The following ITPR2 variants were observed in gnomAD, a reference collection of about 807,000 sequenced individuals.
ITPR2 encodes inositol 1,4,5-trisphosphate-gated calcium channel ITPR2.
ITPR2 carries 207 observed loss-of-function variants against 317.1 expected under a neutral mutation model. The ratio of observed to expected loss-of-function variants is 0.65; its 90% CI spans 0.58 to 0.73. The LOEUF is 0.73. ITPR2 is among the 30% of genes least tolerant of loss of function. ITPR2 has a pLI of 0.00. For missense variants in ITPR2, 2,613 were observed against 3,284.0 expected (o/e 0.80, Z 4.99); for synonymous variants, 1,156 against 1,149.1 (o/e 1.01, Z -0.12).
At chr12:26,715,160 A>T in intron 8 of ITPR2, 139 bp downstream of exon 8, 1 of 702,698 alleles carries the variant, frequency 1.4e-6, no homozygotes, top group Non-Finnish European at 2.3e-6. Flanking sequence ...AGCAATGAAT[A>T]GGCACAAGTT....
chr12:26,536,374 AGTTT>A (rs539964554), intron 37 of ITPR2, among the ~76,000 whole-genome samples: 16 of 152,232 alleles, frequency 1.1e-4, no homozygotes, highest in African/African-American at 2.9e-4. Context: ...TTATTAGGAC[AGTTT>A]GTTAGTCCCC....
chr12:26,370,982 T>G (rs1408957353), intron 55 of ITPR2, among the ~76,000 whole-genome samples: 2 of 152,058 alleles, frequency 1.3e-5, no homozygotes, highest in Non-Finnish European at 2.9e-5. Flanking sequence ...CAAACACGAG[T>G]CTTATGTATG....
chr12:26,467,679 T>A (rs12368613), intron 45 of ITPR2, among the ~76,000 whole-genome samples: 75,658 of 151,966 alleles, frequency 0.5, 22,357 homozygotes, highest in Non-Finnish European at 0.64. Flanking sequence ...CTAACAAACA[T>A]GGGATGTTAA....
chr12:26,801,806 T>C (rs1002253360), intron 1 of ITPR2, among the ~76,000 whole-genome samples: 2 of 152,090 alleles, frequency 1.3e-5, no homozygotes, highest in African/African-American at 2.4e-5. Flanking sequence ...TTTGGACAAA[T>C]TGTTTAAACT....
chr12:26,659,304 G>A lies in ITPR2; in HGVS notation c.1714-19C>T, dbSNP rs185566825. On this transcript the variant is annotated intron_variant, in intron 15 of 56. Coordinates refer to ENST00000381340, the MANE Select transcript of ITPR2 (RefSeq NM_002223.4). Reference sequence around the variant, plus strand: ...TATATTCCTGCAAAGAAGAAAGGCTGTCAGAATGCACTGCCAAACAGCTTA... The same window carrying A: ...TATATTCCTGCAAAGAAGAAAGGCTATCAGAATGCACTGCCAAACAGCTTA... The A allele has an allele frequency of 1.7e-5, 28 of 1,608,186 alleles. No individual in the cohort carries two copies. The Admixed American group carries it at 4.7e-4, about 27-fold the overall frequency.
At chr12:26,518,779 C>G (rs1440136223) in intron 37 of ITPR2, among the ~76,000 whole-genome samples, 1 of 151,776 alleles carries the variant, frequency 6.6e-6, no homozygotes, top group Non-Finnish European at 1.5e-5. Flanking sequence ...AGAAAATTAA[C>G]CAGCAGAAAC....
At chr12:26,670,007 C>T (rs559607483) in intron 13 of ITPR2, among the ~76,000 whole-genome samples, 1 of 152,372 alleles carries the variant, frequency 6.6e-6, no homozygotes, top group East Asian at 1.9e-4. Context: ...GGGGTGCCCG[C>T]CATTGCCCAG....
chr12:26,732,613 T>A (rs937608656), intron 2 of ITPR2, among the ~76,000 whole-genome samples: 14 of 152,210 alleles, frequency 9.2e-5, no homozygotes, highest in Non-Finnish European at 1.8e-4. Context: ...TTTCTCCATG[T>A]TACAGAGAAG....
At chr12:26,616,086 A>G (rs1255938001) in intron 26 of ITPR2, among the ~76,000 whole-genome samples, 1 of 151,956 alleles carries the variant, frequency 6.6e-6, no homozygotes, top group African/African-American at 2.4e-5. Flanking sequence ...ATTAACAAAA[A>G]AGGTAAATTT....
chr12:26,568,017 T>TATATATA lies in ITPR2; in HGVS notation c.4631-6072_4631-6066dup, dbSNP rs1945055926. 3.4e-5 allele frequency among the ~76,000 whole-genome samples: 4 copies of TATATATA among 119,006 alleles called. No individual in the cohort carries two copies. In the East Asian group the frequency reaches 1.0e-3, roughly 30 times the overall value. The allele number at this position is 119,006 out of a possible 152,430, so 78.1% of individuals were successfully genotyped here. A position where few individuals can be genotyped will look rare whatever the true frequency, so the allele number is the denominator to read the frequency against. On this transcript the variant is annotated intron_variant, in intron 34 of 56. Coordinates refer to ENST00000381340, the MANE Select transcript of ITPR2 (RefSeq NM_002223.4). ...ATATATTATATATATTATATATATA[T>TATATATA]ATATATATATATATAAAATGTCAAA...
chr12:26,372,571 A>G (rs1939218384), intron 55 of ITPR2, among the ~76,000 whole-genome samples: 1 of 152,212 alleles, frequency 6.6e-6, no homozygotes, highest in Non-Finnish European at 1.5e-5. Flanking sequence ...TCTAACACAC[A>G]ACAGCACCCC....
At chr12:26,801,736 T>C (rs1950558661) in intron 1 of ITPR2, among the ~76,000 whole-genome samples, 1 of 152,202 alleles carries the variant, frequency 6.6e-6, no homozygotes, top group South Asian at 2.1e-4. Flanking sequence ...GTATTGGTTG[T>C]ACATGTGCCA....
intron 37 of ITPR2, among the ~76,000 whole-genome samples, chr12:26,525,117 A>G (rs1943775843): frequency 6.6e-6 from 1 of 152,282 alleles, no homozygotes; most frequent in Middle Eastern, 3.4e-3. Flanking sequence ...CTCAGGGAAG[A>G]GGCAGGATAA....
At chr12:26,392,981 G>A (rs1362933929) in intron 54 of ITPR2, among the ~76,000 whole-genome samples, 1 of 152,156 alleles carries the variant, frequency 6.6e-6, no homozygotes, top group East Asian at 1.9e-4. Context: ...TTCCTGCTCA[G>A]CTCTGTCATC....
At chr12:26,703,452 A>G (rs1948490979) in intron 9 of ITPR2, among the ~76,000 whole-genome samples, 1 of 152,186 alleles carries the variant, frequency 6.6e-6, no homozygotes, top group Non-Finnish European at 1.5e-5. Flanking sequence ...AGAGTTTCTC[A>G]ACCCTTAGCA....
At chr12:26,435,698 T>C (rs1434668657) in intron 48 of ITPR2, among the ~76,000 whole-genome samples, 2 of 152,222 alleles carry the variant, frequency 1.3e-5, no homozygotes. Flanking sequence ...TATTTCCTAT[T>C]ATTATATTGT....
chr12:26,600,530 C>T (rs1162075425), intron 28 of ITPR2, among the ~76,000 whole-genome samples: 1 of 151,854 alleles, frequency 6.6e-6, no homozygotes, highest in Admixed American at 6.6e-5. Flanking sequence ...TGCTGTACTC[C>T]CCAGTCCCCA....
rs753011068 is a variant in ITPR2, at chr12:26,578,021, C to T, written c.4630+692G>A. 5.1e-4 allele frequency among the ~76,000 whole-genome samples: 77 copies of T among 152,214 alleles called. No homozygotes were observed. The Middle Eastern group carries it at 0.017, about 34-fold the overall frequency. Reference sequence around the variant, plus strand: ...AGTGATGAAGACTGATAATGAAATACGCTACAAACTGCCTTTCCCAATGTC... The same window carrying T: ...AGTGATGAAGACTGATAATGAAATATGCTACAAACTGCCTTTCCCAATGTC... On this transcript the variant is annotated intron_variant, in intron 34 of 56. Transcript: ENST00000381340.
chr12:26,741,876 T>A (rs532604019), intron 2 of ITPR2, among the ~76,000 whole-genome samples: 1 of 152,348 alleles, frequency 6.6e-6, no homozygotes, highest in East Asian at 1.9e-4. Context: ...CAAGCAGGCA[T>A]GAGCTAAACT....
Sources: allele counts gnomAD v4.1 joint callset (sites outside exome capture counted in the v4.1 genomes callset), GRCh38; gene constraint gnomAD v4.1.1; transcripts MANE v1.5; gene names NCBI Gene and HGNC (gene_info 2026-07-23, HGNC 2026-07-21).